Variants in SLC24A2 observed in about 807,000 individuals in gnomAD.
SLC24A2 encodes sodium/potassium/calcium exchanger 2.
SLC24A2 carries 36 observed loss-of-function variants against 62.0 expected under a neutral mutation model. That is an observed-to-expected ratio of 0.58 (90% CI 0.44 to 0.77). The LOEUF is 0.77. Ranked by LOEUF, SLC24A2 falls within the 30% of genes least tolerant of loss-of-function variation. The probability of loss-of-function intolerance (pLI) is 0.00; values close to 1 mark genes in which losing one functional copy is unlikely to be tolerated. For synonymous variants in SLC24A2, 358 were observed against 294.0 expected (o/e 1.22, Z -2.23); for missense variants, 846 against 817.9 (o/e 1.03, Z -0.42).
At chr9:19,708,259 T>C (rs1398723596) in intron 2 of SLC24A2, among the ~76,000 whole-genome samples, 1 of 152,040 alleles carries the variant, frequency 6.6e-6, no homozygotes, top group East Asian at 1.9e-4. Flanking sequence ...TAAAAGAGGA[T>C]ACAAACAAAT....
At chr9:19,895,796 G>A in the SLC24A2 span, 13 of 1,590,026 alleles carry the variant, frequency 8.2e-6, no homozygotes, top group East Asian at 2.3e-4. Flanking sequence ...GCCTGTGCCT[G>A]TCATCTGCTT....
chr9:19,840,480 C>T, the SLC24A2 span, among the ~76,000 whole-genome samples: 1 of 152,136 alleles, frequency 6.6e-6, no homozygotes, highest in Non-Finnish European at 1.5e-5. Flanking sequence ...TTTCCTGGGC[C>T]CTTAGCTAAT....
the SLC24A2 span, among the ~76,000 whole-genome samples, chr9:19,899,211 G>C: frequency 6.6e-6 from 1 of 152,196 alleles, no homozygotes; most frequent in Admixed American, 6.5e-5. Context: ...TGCTCTTGCC[G>C]CAAGGGAGAC....
intron 2 of SLC24A2, among the ~76,000 whole-genome samples, chr9:19,687,195 G>A (rs1885231): frequency 0.023 from 3,480 of 152,000 alleles, 76 homozygotes; most frequent in East Asian, 0.094. Context: ...TTATTACCTG[G>A]GTGACAACAT....
the SLC24A2 span, among the ~76,000 whole-genome samples, chr9:20,160,879 C>CA: frequency 5.4e-5 from 8 of 149,276 alleles, no homozygotes; most frequent in Non-Finnish European, 1.0e-4. Context: ...AAAGAAAACA[C>CA]AAAAAAGATC....
At chr9:19,867,033 T>A in the SLC24A2 span, among the ~76,000 whole-genome samples, 2 of 152,090 alleles carry the variant, frequency 1.3e-5, no homozygotes, top group Non-Finnish European at 2.9e-5. Context: ...TAATAATAAT[T>A]TAATTGTACA....
the SLC24A2 span, among the ~76,000 whole-genome samples, chr9:20,158,817 T>C: frequency 6.6e-6 from 1 of 151,556 alleles, no homozygotes; most frequent in African/African-American, 2.4e-5. Context: ...ATTTAAACTA[T>C]AACTAAATAA....
At chr9:19,634,274 G>A (rs1818252802) in intron 2 of SLC24A2, among the ~76,000 whole-genome samples, 2 of 143,048 alleles carry the variant, frequency 1.4e-5, no homozygotes, top group African/African-American at 5.1e-5. Context: ...ACTTGAAACT[G>A]CAGCCTCTTT....
chr9:19,769,955 C>T (rs906208999), intron 2 of SLC24A2, among the ~76,000 whole-genome samples: 1 of 152,042 alleles, frequency 6.6e-6, no homozygotes, highest in Admixed American at 6.6e-5. Context: ...GTAGCAGGCA[C>T]TGTGCACACT....
chr9:19,516,533 TC>T lies in SLC24A2; in HGVS notation c.1737-132del. 13 of 1,129,238 alleles carry T rather than the reference TC, an allele frequency of 1.2e-5. 1 individual carries two copies. The South Asian group carries it at 1.8e-4, about 15-fold the overall frequency. The allele number at this position is 1,129,238 out of a possible 1,614,324, so 70.0% of individuals were successfully genotyped here. A position where few individuals can be genotyped will look rare whatever the true frequency, so the allele number is the denominator to read the frequency against. On this transcript the variant is annotated intron_variant, in intron 10 of 10. Transcript: ENST00000341998. Reference sequence around the variant, plus strand: ...AACTGAAAAGGGTGTCTTGTTAGGTTCACTATGACTCGGGCATGGTTGGCCC... The same window carrying T: ...AACTGAAAAGGGTGTCTTGTTAGGTTACTATGACTCGGGCATGGTTGGCCC...
intron 2 of SLC24A2, among the ~76,000 whole-genome samples, chr9:19,758,668 A>G (rs1334862524): frequency 6.6e-6 from 1 of 152,194 alleles, no homozygotes; most frequent in Non-Finnish European, 1.5e-5. Context: ...AGGTTTTTGA[A>G]CGGGATTGGC....
At chr9:19,536,159 T>C (rs1833962570) in intron 8 of SLC24A2, among the ~76,000 whole-genome samples, 1 of 151,038 alleles carries the variant, frequency 6.6e-6, no homozygotes, top group Admixed American at 6.6e-5. Context: ...TTTTTTTTTA[T>C]CTGATTCTAA....
chr9:19,801,351 G>A, the SLC24A2 span, among the ~76,000 whole-genome samples: 7 of 152,304 alleles, frequency 4.6e-5, no homozygotes, highest in South Asian at 6.2e-4. Flanking sequence ...TGGGTGCCTC[G>A]CTGGTTCAGG....
At chr9:20,057,098 T>C in the SLC24A2 span, among the ~76,000 whole-genome samples, 1 of 152,068 alleles carries the variant, frequency 6.6e-6, no homozygotes, top group East Asian at 1.9e-4. Flanking sequence ...AGTGGGTATA[T>C]GTGTGTGTGT....
chr9:19,519,984 G>A (rs1833111341), intron 10 of SLC24A2, among the ~76,000 whole-genome samples: 1 of 152,162 alleles, frequency 6.6e-6, no homozygotes, highest in African/African-American at 2.4e-5. Context: ...CTGAATAATA[G>A]GGGTGATAAT....
chr9:19,621,415 G>A (rs1817906148), intron 3 of SLC24A2, among the ~76,000 whole-genome samples: 1 of 152,192 alleles, frequency 6.6e-6, no homozygotes, highest in Non-Finnish European at 1.5e-5. Flanking sequence ...ATTACAGGAG[G>A]AAGGACAGGG....
At chr9:19,969,169 C>T in the SLC24A2 span, among the ~76,000 whole-genome samples, 8 of 137,960 alleles carry the variant, frequency 5.8e-5, no homozygotes, top group South Asian at 2.4e-4. Flanking sequence ...CCTCTGCGTC[C>T]GCCACCTCCT....
At chr9:19,873,420 CTCTT>C in the SLC24A2 span, among the ~76,000 whole-genome samples, 3 of 130,088 alleles carry the variant, frequency 2.3e-5, no homozygotes, top group East Asian at 2.3e-4. Flanking sequence ...TTCTTTCTTT[CTCTT>C]TCTCTCTCTC....
At chr9:19,718,569 A>G (rs1820934176) in intron 2 of SLC24A2, among the ~76,000 whole-genome samples, 2 of 149,514 alleles carry the variant, frequency 1.3e-5, no homozygotes, top group Non-Finnish European at 3.0e-5. Flanking sequence ...CCTTGGCCTC[A>G]CAAAGTGTGG....
Sources: gnomAD v4.1 joint callset for allele counts (sites outside exome capture counted in the v4.1 genomes callset) on GRCh38, gnomAD v4.1.1 for gene constraint, MANE v1.5 for transcripts, NCBI Gene and HGNC (gene_info 2026-07-23, HGNC 2026-07-21) for gene names.